The following DSCAM variants were observed in gnomAD, a reference collection of about 807,000 sequenced individuals.
DSCAM encodes DS cell adhesion molecule.
DSCAM carries 47 observed loss-of-function variants against 217.7 expected under a neutral mutation model. The ratio of observed to expected loss-of-function variants is 0.22; its 90% CI spans 0.17 to 0.28. DSCAM has a LOEUF of 0.28. DSCAM is among the 10% of genes least tolerant of loss of function. The pLI, the probability that DSCAM is intolerant of heterozygous loss-of-function variation, is 1.00. For missense variants in DSCAM, 2,080 were observed against 2,618.3 expected, an observed-to-expected ratio of 0.79 and a Z score of 4.49; for synonymous variants, 1,056 against 1,015.3, an observed-to-expected ratio of 1.04 and a Z score of -0.76.
intron 19 of DSCAM, among the ~76,000 whole-genome samples, chr21:40,128,783 C>T (rs754020668): frequency 3.3e-5 from 5 of 152,038 alleles, no homozygotes; most frequent in Non-Finnish European, 7.4e-5. Flanking sequence ...CAGCTCACAC[C>T]GTGATTCATC....
At chr21:40,143,800 T>A (rs1409743588) in intron 17 of DSCAM, among the ~76,000 whole-genome samples, 2 of 151,910 alleles carry the variant, frequency 1.3e-5, no homozygotes, top group African/African-American at 2.4e-5. Context: ...CAAAAAAAAA[T>A]CTATGATCAA....
chr21:40,793,798 C>T (rs1009604585), intron 1 of DSCAM, among the ~76,000 whole-genome samples: 2 of 152,040 alleles, frequency 1.3e-5, no homozygotes, highest in Admixed American at 6.6e-5. Context: ...GACTGTTCTA[C>T]CATTTTTTAT....
chr21:40,825,318 T>TCCTTCCTTCCTTTTTTTCTTCCTTTC (rs1569055739), intron 1 of DSCAM, among the ~76,000 whole-genome samples: 10 of 134,850 alleles, frequency 7.4e-5, no homozygotes, highest in African/African-American at 2.3e-4. Context: ...TCCTTCCTTT[T>TCCTTCCTTCCTTTTTTTCTTCCTTTC]TTTCTTCCTT....
At chr21:40,395,256 A>T (rs1258566993) in intron 3 of DSCAM, among the ~76,000 whole-genome samples, 3 of 152,006 alleles carry the variant, frequency 2.0e-5, no homozygotes, top group Non-Finnish European at 4.4e-5. Context: ...TTTTTATTTT[A>T]ATGAAAGAAA....
chr21:40,128,313 C>T (rs1004158678), intron 19 of DSCAM, among the ~76,000 whole-genome samples: 1 of 150,802 alleles, frequency 6.6e-6, no homozygotes, highest in African/African-American at 2.4e-5. Flanking sequence ...ACAATGGGTC[C>T]CCAAGATCCT....
At chr21:40,710,575 A>C (rs2090769202) in intron 1 of DSCAM, among the ~76,000 whole-genome samples, 1 of 152,244 alleles carries the variant, frequency 6.6e-6, no homozygotes, top group South Asian at 2.1e-4. Context: ...TGCTCTTTTC[A>C]TTTAAATTGT....
intron 3 of DSCAM, among the ~76,000 whole-genome samples, chr21:40,541,395 T>G (rs1334536550): frequency 6.6e-6 from 1 of 152,162 alleles, no homozygotes; most frequent in Non-Finnish European, 1.5e-5. Context: ...AATACATATT[T>G]GAAACACACG....
chr21:40,117,902 TA>T (rs113603745), intron 20 of DSCAM, among the ~76,000 whole-genome samples: 2,852 of 152,106 alleles, frequency 0.019, 89 homozygotes, highest in African/African-American at 0.065. Flanking sequence ...TAAACATTTT[TA>T]CCAAAGAGGA....
chr21:40,657,794 C>T (rs372988590), intron 3 of DSCAM, among the ~76,000 whole-genome samples: 3 of 152,014 alleles, frequency 2.0e-5, no homozygotes, highest in South Asian at 4.2e-4. Flanking sequence ...AGGTTGGATA[C>T]CGATGAATAA....
chr21:40,725,026 TGAAA>T (rs767030436), intron 1 of DSCAM, among the ~76,000 whole-genome samples: 1 of 152,220 alleles, frequency 6.6e-6, no homozygotes, highest in Admixed American at 6.5e-5. Context: ...AAAAAAACTT[TGAAA>T]GACTCTTTAA....
At chr21:40,263,534 A>G (rs1044132782) in intron 11 of DSCAM, among the ~76,000 whole-genome samples, 28 of 152,232 alleles carry the variant, frequency 1.8e-4, no homozygotes, top group African/African-American at 6.3e-4. Context: ...GACACAAGTT[A>G]TCAAAATCTC....
chr21:40,335,192 T>G (rs1020991650), intron 8 of DSCAM, among the ~76,000 whole-genome samples: 1 of 152,170 alleles, frequency 6.6e-6, no homozygotes, highest in East Asian at 1.9e-4. Flanking sequence ...CTGAAAAATT[T>G]GGCAAGCCCC....
chr21:40,570,274 A>T (rs2146202173), intron 3 of DSCAM, among the ~76,000 whole-genome samples: 1 of 152,334 alleles, frequency 6.6e-6, no homozygotes, highest in African/African-American at 2.4e-5. Context: ...CTGAAGGCAA[A>T]GTGCTGACCC....
Position 40,579,992 on chromosome 21 carries a change from C to T in DSCAM, c.508+112818G>A, listed in dbSNP as rs544332648. Among the ~76,000 whole-genome samples the T allele has an allele frequency of 3.1e-3, 475 of 152,190 alleles. 3 individuals are homozygous for T. The highest frequency in any genetic ancestry group is 0.01 in the Middle Eastern group (3 of 294). The stretch of plus-strand genomic sequence containing the variant: ...CTGATTGGCTAGGGTCCGTGCTACA[C>T]GGATCTTCACTTCAGATCATCCACC... On this transcript the variant is annotated intron_variant, in intron 3 of 32. Transcript: ENST00000400454.
At chr21:40,110,949 T>A (rs1384942645) in intron 20 of DSCAM, among the ~76,000 whole-genome samples, 2 of 152,212 alleles carry the variant, frequency 1.3e-5, no homozygotes, top group African/African-American at 4.8e-5. Flanking sequence ...TTGGTGTGCC[T>A]GAAAGTGACA....
At chr21:40,454,000 G>A (rs995093773) in intron 3 of DSCAM, among the ~76,000 whole-genome samples, 18 of 152,140 alleles carry the variant, frequency 1.2e-4, no homozygotes, top group African/African-American at 3.9e-4. Flanking sequence ...CAAGGTTCAC[G>A]AGTACACCCC....
At chr21:40,571,139 C>A (rs772149210) in intron 3 of DSCAM, among the ~76,000 whole-genome samples, 2 of 150,912 alleles carry the variant, frequency 1.3e-5, no homozygotes, top group African/African-American at 4.9e-5. Context: ...AAAAATAGCC[C>A]ATGTTATATT....
At chr21:40,814,133 C>T (rs2123556939) in intron 1 of DSCAM, among the ~76,000 whole-genome samples, 1 of 152,320 alleles carries the variant, frequency 6.6e-6, no homozygotes, top group African/African-American at 2.4e-5. Context: ...AATATAAGCA[C>T]ATGTGACCAA....
At chr21:40,668,711 A>G (rs1238502738) in intron 3 of DSCAM, among the ~76,000 whole-genome samples, 3 of 152,208 alleles carry the variant, frequency 2.0e-5, no homozygotes, top group Non-Finnish European at 4.4e-5. Context: ...ATAAAACTTT[A>G]TCTGTTGAAT....
Sources: allele counts gnomAD v4.1 joint callset (sites outside exome capture counted in the v4.1 genomes callset), GRCh38; gene constraint gnomAD v4.1.1; transcripts MANE v1.5; gene names NCBI Gene and HGNC (gene_info 2026-07-23, HGNC 2026-07-21).